Variants in ZNF521 observed in about 807,000 individuals in gnomAD.
The protein encoded by ZNF521 is LYST-interacting protein 3.
ZNF521 carries 14 observed loss-of-function variants against 105.5 expected under a neutral mutation model. That is an observed-to-expected ratio of 0.13 (90% confidence interval 0.09 to 0.21). ZNF521 has a LOEUF of 0.21. Ranked by LOEUF, ZNF521 falls within the 10% of genes least tolerant of loss-of-function variation. The pLI, the probability that ZNF521 is intolerant of heterozygous loss-of-function variation, is 1.00. For missense variants in ZNF521, 1,233 were observed against 1,629.7 expected, an observed-to-expected ratio of 0.76 and a Z score of 4.19; for synonymous variants, 635 against 606.0, an observed-to-expected ratio of 1.05 and a Z score of -0.70.
intron 3 of ZNF521, among the ~76,000 whole-genome samples, chr18:25,310,327 C>T (rs1600289458): frequency 6.6e-6 from 1 of 151,892 alleles, no homozygotes; most frequent in South Asian, 2.1e-4. Flanking sequence ...AAGCTCATGA[C>T]CCCAAACATC....
intron 7 of ZNF521, among the ~76,000 whole-genome samples, chr18:25,064,325 G>A (rs2032993500): frequency 6.6e-6 from 1 of 152,224 alleles, no homozygotes; most frequent in South Asian, 2.1e-4. Flanking sequence ...GGTTCCAAGT[G>A]GATCCAGCAT....
intron 7 of ZNF521, 98 bp from the exon 8 acceptor site, chr18:25,062,839 A>G (rs2032943559): frequency 3.5e-6 from 4 of 1,142,370 alleles, no homozygotes; most frequent in Non-Finnish European, 4.9e-6. Context: ...GACCAAGCAT[A>G]TATACATGTA....
chr18:25,112,749 G>A (rs45595338), intron 5 of ZNF521, among the ~76,000 whole-genome samples: 1 of 152,038 alleles, frequency 6.6e-6, no homozygotes, highest in Non-Finnish European at 1.5e-5. Flanking sequence ...CAGCCTGTTC[G>A]TGTCTAACTG....
intron 3 of ZNF521, chr18:25,315,918 T>C (rs910868566): frequency 4.6e-5 from 7 of 152,198 alleles, no homozygotes; most frequent in African/African-American, 1.7e-4. Context: ...GTAACCCACA[T>C]AGGCATCAGC....
intron 5 of ZNF521, among the ~76,000 whole-genome samples, chr18:25,098,214 G>C (rs921283910): frequency 7.2e-5 from 11 of 152,168 alleles, no homozygotes; most frequent in African/African-American, 2.7e-4. Context: ...CCACCAAAAA[G>C]GTGGCTTTCC....
intron 3 of ZNF521, among the ~76,000 whole-genome samples, chr18:25,262,323 TAG>T (rs1908966415): frequency 6.6e-6 from 1 of 152,234 alleles, no homozygotes; most frequent in Admixed American, 6.5e-5. Context: ...TCACATGGTA[TAG>T]TACTCTTTTA....
chr18:25,293,754 T>G (rs1911168789), intron 3 of ZNF521, among the ~76,000 whole-genome samples: 2 of 152,208 alleles, frequency 1.3e-5, no homozygotes, highest in Admixed American at 1.3e-4. Flanking sequence ...CAAATGGTGC[T>G]TCCACAATTT....
intron 2 of ZNF521, among the ~76,000 whole-genome samples, chr18:25,349,986 G>A (rs1346000700): frequency 2.6e-5 from 4 of 151,408 alleles, no homozygotes; most frequent in African/African-American, 9.7e-5. Context: ...CCCCTCGGCC[G>A]CCCGCCCCCG....
chr18:25,218,683 C>CAA (rs111983593), intron 4 of ZNF521, among the ~76,000 whole-genome samples: 94 of 105,046 alleles, frequency 8.9e-4, no homozygotes, highest in African/African-American at 2.9e-3. Flanking sequence ...CTAAAAATTA[C>CAA]AAAAAAAAAA....
At chr18:25,287,960 A>G (rs553590722) in intron 3 of ZNF521, among the ~76,000 whole-genome samples, 93 of 152,324 alleles carry the variant, frequency 6.1e-4, no homozygotes, top group African/African-American at 2.1e-3. Context: ...TGCTGAAAAC[A>G]TCTCATTCTG....
intron 5 of ZNF521, among the ~76,000 whole-genome samples, chr18:25,144,320 G>A (rs2034904522): frequency 6.6e-6 from 1 of 152,106 alleles, no homozygotes; most frequent in Non-Finnish European, 1.5e-5. Flanking sequence ...GCCACCCCAT[G>A]CAGATAATCA....
intron 2 of ZNF521, among the ~76,000 whole-genome samples, chr18:25,348,321 A>G (rs1228388040): frequency 6.6e-5 from 10 of 152,198 alleles, no homozygotes; most frequent in African/African-American, 2.4e-4. Flanking sequence ...TTCCAAGAAG[A>G]CATAGGGAAA....
At position 25,352,113 on chromosome 18, in the gene ZNF521, G is replaced by A; in HGVS notation, c.-110C>T. ...TGGCTCCAGAGGGGGCCCCTAACCC[G>A]CAGGGACTCGCTCTGTACGTAATCA... On this transcript the variant is annotated 5_prime_UTR_variant, in exon 1 of 8. Coordinates refer to ENST00000361524, the MANE Select transcript of ZNF521 (RefSeq NM_015461.3). The A allele has an allele frequency of 2.1e-6, 1 of 477,578 alleles. No individual in the cohort carries two copies. Among genetic ancestry groups the A allele is most frequent in the East Asian group, 6.3e-5 (1 of 15,846 alleles). The allele number at this position is 477,578 out of a possible 1,614,324, so 29.6% of individuals were successfully genotyped here.
chr18:25,327,843 C>T (rs1408862423), intron 2 of ZNF521, among the ~76,000 whole-genome samples: 1 of 152,126 alleles, frequency 6.6e-6, no homozygotes, highest in African/African-American at 2.4e-5. Context: ...TTTTTTATTA[C>T]TGTCAACTAA....
chr18:25,169,010 T>C (rs980149367), intron 5 of ZNF521, among the ~76,000 whole-genome samples: 1 of 152,072 alleles, frequency 6.6e-6, no homozygotes, highest in Non-Finnish European at 1.5e-5. Flanking sequence ...AAAAAGGAAC[T>C]GTAACAGGTA....
At chr18:25,261,113 C>A (rs2144893926) in intron 3 of ZNF521, among the ~76,000 whole-genome samples, 1 of 152,208 alleles carries the variant, frequency 6.6e-6, no homozygotes, top group South Asian at 2.1e-4. Context: ...AGGCAATTTG[C>A]ATCTCTGGGA....
chr18:25,312,817 CAAAAAAA>C (rs11343299), intron 3 of ZNF521, among the ~76,000 whole-genome samples: 3 of 16,250 alleles, frequency 1.8e-4, no homozygotes, highest in Admixed American at 7.0e-4. Context: ...GACTCCGTCT[CAAAAAAA>C]AAAAAAAAAA....
chr18:25,239,393 A>G (rs1907150496), intron 3 of ZNF521, among the ~76,000 whole-genome samples: 2 of 152,230 alleles, frequency 1.3e-5, no homozygotes, highest in African/African-American at 2.4e-5. Context: ...AAGTGTGTAC[A>G]TGAAAAAGTC....
chr18:25,281,696 C>A (rs774037740), intron 3 of ZNF521, among the ~76,000 whole-genome samples: 1 of 152,178 alleles, frequency 6.6e-6, no homozygotes, highest in African/African-American at 2.4e-5. Flanking sequence ...CCCCAAATCA[C>A]GTGACTATTA....
Sources: allele counts gnomAD v4.1 joint callset (sites outside exome capture counted in the v4.1 genomes callset), GRCh38; gene constraint gnomAD v4.1.1; transcripts MANE v1.5; gene names NCBI Gene and HGNC (gene_info 2026-07-23, HGNC 2026-07-21).